Variants in GRIA4 observed in about 807,000 individuals in gnomAD.
GRIA4 encodes glutamate receptor 4.
A neutral mutation model predicts 104.0 loss-of-function variants in GRIA4; 34 were observed. The observed-to-expected ratio is 0.33, with a 90% CI of 0.25 to 0.44. The LOEUF (loss-of-function observed/expected upper bound fraction) is 0.44, where lower values mean the gene tolerates loss of function less well. GRIA4 is among the 20% of genes least tolerant of loss of function. The pLI is 1.00. For missense variants in GRIA4, 750 were observed against 1,096.5 expected (o/e 0.68, Z 4.46); for synonymous variants, 386 against 381.9 (o/e 1.01, Z -0.13).
intron 3 of GRIA4, among the ~76,000 whole-genome samples, chr11:105,686,111 G>A (rs1227980230): frequency 1.3e-5 from 2 of 152,044 alleles, no homozygotes; most frequent in African/African-American, 2.4e-5. Flanking sequence ...ACATATACAT[G>A]TTTGTTACCT....
At chr11:105,635,618 A>G (rs539143619) in intron 3 of GRIA4, among the ~76,000 whole-genome samples, 13 of 152,310 alleles carry the variant, frequency 8.5e-5, no homozygotes, top group African/African-American at 3.1e-4. Flanking sequence ...TAGAGGCATG[A>G]GAAGAGGCTG....
intron 12 of GRIA4, among the ~76,000 whole-genome samples, chr11:105,926,030 T>A (rs73544617): frequency 0.083 from 12,646 of 151,808 alleles, 583 homozygotes; most frequent in African/African-American, 0.1. Flanking sequence ...AGAGAGAAAA[T>A]CGTATATGAG....
At chr11:105,673,989 T>C (rs1202140701) in intron 3 of GRIA4, among the ~76,000 whole-genome samples, 1 of 151,976 alleles carries the variant, frequency 6.6e-6, no homozygotes, top group Non-Finnish European at 1.5e-5. Flanking sequence ...TGTACTGAGA[T>C]TCAAAGAAAA....
intron 3 of GRIA4, among the ~76,000 whole-genome samples, chr11:105,749,574 G>C (rs117183280): frequency 0.023 from 3,492 of 152,198 alleles, 58 homozygotes; most frequent in Middle Eastern, 0.068. Context: ...CTGAGCTAAG[G>C]CCGTGTCCTT....
At chr11:105,645,386 CT>C (rs1951497334) in intron 3 of GRIA4, among the ~76,000 whole-genome samples, 11 of 152,154 alleles carry the variant, frequency 7.2e-5, no homozygotes, top group Admixed American at 6.5e-4. Flanking sequence ...TGTCTCTTGC[CT>C]CAGGGCCTGC....
At chr11:105,887,820 C>T (rs1946320687) in intron 6 of GRIA4, among the ~76,000 whole-genome samples, 1 of 152,068 alleles carries the variant, frequency 6.6e-6, no homozygotes, top group Non-Finnish European at 1.5e-5. Flanking sequence ...TGCTACGATA[C>T]CACTTGTCAA....
At chr11:105,784,934 C>G (rs1941893215) in intron 4 of GRIA4, among the ~76,000 whole-genome samples, 1 of 152,194 alleles carries the variant, frequency 6.6e-6, no homozygotes, top group African/African-American at 2.4e-5. Flanking sequence ...GCCCAGGAAT[C>G]TGCAGTCTTA....
chr11:105,628,033 C>T (rs772730498), intron 3 of GRIA4, among the ~76,000 whole-genome samples: 15 of 151,914 alleles, frequency 9.9e-5, no homozygotes, highest in Non-Finnish European at 1.8e-4. Context: ...TGAACAATTG[C>T]AAGATTAAAA....
intron 3 of GRIA4, among the ~76,000 whole-genome samples, chr11:105,743,596 C>T (rs1939459986): frequency 6.6e-6 from 1 of 152,186 alleles, no homozygotes; most frequent in Admixed American, 6.5e-5. Flanking sequence ...CATATTTAAA[C>T]CATTTCTTCT....
Position 105,979,586 on chromosome 11 carries a change from T to C in GRIA4, c.2556T>C (p.Ser852=), listed in dbSNP as rs199927341. The change falls in exon 17 of 17, where the codon TCT becomes TCC. Residue 852 remains serine (S), a synonymous_variant. Transcript: ENST00000282499. ...AEAKRMKLTF[S]EAIRNKARLS... ...TCCATGCAACCCAGCTGACCTTTTC[T>C]GAAGCCATAAGAAACAAAGCCAGAT... is the stretch of plus-strand genomic sequence containing the variant. The C allele has an allele frequency of 3.1e-6, 5 of 1,614,166 alleles. No homozygotes were observed. The Admixed American group carries it at 5.0e-5, about 16-fold the overall frequency.
At chr11:105,859,178 TAA>T (rs911942614) in intron 4 of GRIA4, among the ~76,000 whole-genome samples, 21 of 152,130 alleles carry the variant, frequency 1.4e-4, no homozygotes, top group Non-Finnish European at 2.9e-5. Flanking sequence ...AGCAAATAAA[TAA>T]GACACTCACA....
At chr11:105,720,849 C>G (rs1020141614) in intron 3 of GRIA4, among the ~76,000 whole-genome samples, 1 of 152,052 alleles carries the variant, frequency 6.6e-6, no homozygotes, top group Non-Finnish European at 1.5e-5. Flanking sequence ...GAATAGTGTC[C>G]CCCAGTCCCC....
intron 3 of GRIA4, among the ~76,000 whole-genome samples, chr11:105,724,454 G>T (rs1211361680): frequency 6.6e-6 from 1 of 151,362 alleles, no homozygotes; most frequent in Non-Finnish European, 1.5e-5. Flanking sequence ...CCATGATAAA[G>T]AATGAAATCA....
intron 2 of GRIA4, 27 bp downstream of exon 2, chr11:105,611,112 A>C (rs913277823): frequency 3.9e-6 from 6 of 1,526,864 alleles, no homozygotes; most frequent in Admixed American, 1.7e-5. Context: ...TGGGGTGTGC[A>C]TGTGGCTGGT....
intron 3 of GRIA4, among the ~76,000 whole-genome samples, chr11:105,739,161 C>A (rs1054583441): frequency 2.0e-5 from 3 of 152,090 alleles, no homozygotes; most frequent in Non-Finnish European, 4.4e-5. Context: ...GAATCTTGCT[C>A]CTCGTGCTGA....
intron 6 of GRIA4, among the ~76,000 whole-genome samples, chr11:105,893,089 C>T (rs1245001772): frequency 6.6e-6 from 1 of 151,908 alleles, no homozygotes. Flanking sequence ...CCAAGTTGGA[C>T]GTTAATCTAG....
chr11:105,655,393 G>A (rs977803624), intron 3 of GRIA4, among the ~76,000 whole-genome samples: 2 of 151,980 alleles, frequency 1.3e-5, no homozygotes, highest in African/African-American at 4.8e-5. Flanking sequence ...GAATGTGCAG[G>A]TTTGTTACAT....
intron 3 of GRIA4, among the ~76,000 whole-genome samples, chr11:105,637,316 T>C (rs1200365142): frequency 1.3e-5 from 2 of 152,182 alleles, no homozygotes; most frequent in African/African-American, 4.8e-5. Flanking sequence ...AATAACATTA[T>C]ATACAATTTT....
intron 4 of GRIA4, among the ~76,000 whole-genome samples, chr11:105,755,548 C>T (rs1027780803): frequency 1.3e-5 from 2 of 152,132 alleles, no homozygotes; most frequent in Admixed American, 1.3e-4. Flanking sequence ...AACGTCCGTC[C>T]TTTTCTTTTA....
Sources: gnomAD v4.1 joint callset for allele counts (sites outside exome capture counted in the v4.1 genomes callset) on GRCh38, gnomAD v4.1.1 for gene constraint, MANE v1.5 for transcripts, NCBI Gene and HGNC (gene_info 2026-07-23, HGNC 2026-07-21) for gene names.